Variants in SLC9C2 observed in about 807,000 individuals in gnomAD.
SLC9C2 encodes the protein solute carrier family 9 member C2 (putative).
In SLC9C2, 75 loss-of-function variants were observed where a neutral mutation model predicts 140.2. The observed-to-expected ratio is 0.53, with a 90% CI of 0.44 to 0.65. The LOEUF (loss-of-function observed/expected upper bound fraction) is 0.65. SLC9C2 is among the 30% of genes least tolerant of loss of function. The pLI, the probability that SLC9C2 is intolerant of heterozygous loss-of-function variation, is 0.00. For synonymous variants in SLC9C2, 375 were observed against 420.9 expected, an observed-to-expected ratio of 0.89 and a Z score of 1.34; for missense variants, 1,074 against 1,331.8, an observed-to-expected ratio of 0.81 and a Z score of 3.01.
intron 23 of SLC9C2, among the ~76,000 whole-genome samples, chr1:173,511,526 G>T (rs956053072): frequency 9.9e-5 from 15 of 152,128 alleles, no homozygotes; most frequent in African/African-American, 3.6e-4. Context: ...TTGTAAATTT[G>T]TTTAAGTTCC....
intron 22 of SLC9C2, among the ~76,000 whole-genome samples, chr1:173,518,886 T>A (rs1357120777): frequency 2.0e-5 from 3 of 152,072 alleles, no homozygotes; most frequent in Admixed American, 1.3e-4. Flanking sequence ...GCATTTGAGG[T>A]AGGCAGCATT....
intron 1 of SLC9C2, 27 bp from the exon 2 acceptor site, chr1:173,601,882 GACCT>G: frequency 7.4e-7 from 1 of 1,357,448 alleles, no homozygotes; most frequent in Non-Finnish European, 1.0e-6. Flanking sequence ...AAGAACATGA[GACCT>G]ACCAAGATCC....
intron 18 of SLC9C2, among the ~76,000 whole-genome samples, chr1:173,526,992 G>C (rs995451342): frequency 6.6e-6 from 1 of 151,932 alleles, no homozygotes; most frequent in Non-Finnish European, 1.5e-5. Flanking sequence ...ATACAAGTGT[G>C]AGCGACCACA....
intron 26 of SLC9C2, among the ~76,000 whole-genome samples, chr1:173,504,481 C>G (rs12078576): frequency 6.6e-6 from 1 of 152,012 alleles, no homozygotes; most frequent in African/African-American, 2.4e-5. Context: ...AATCCTCCCC[C>G]CAAAGCAACA....
At chr1:173,505,165 A>T in intron 26 of SLC9C2, 82 bp downstream of exon 26, 1 of 1,175,302 alleles carries the variant, frequency 8.5e-7, no homozygotes, top group Non-Finnish European at 1.2e-6. Context: ...CTCTCAAATC[A>T]CTTTCTTAGA....
At chr1:173,513,619 A>AT (rs1293348105) in intron 23 of SLC9C2, among the ~76,000 whole-genome samples, 6 of 151,864 alleles carry the variant, frequency 4.0e-5, no homozygotes, top group African/African-American at 1.5e-4. Context: ...GGATTCATTC[A>AT]TTTTTTGAAG....
chr1:173,552,433 A>T (rs1289396067), intron 11 of SLC9C2, among the ~76,000 whole-genome samples: 1 of 152,226 alleles, frequency 6.6e-6, no homozygotes, highest in Non-Finnish European at 1.5e-5. Flanking sequence ...CATTACTAAA[A>T]AGGAAAAGCC....
intron 9 of SLC9C2, among the ~76,000 whole-genome samples, chr1:173,565,519 G>A (rs898625369): frequency 6.6e-6 from 1 of 152,142 alleles, no homozygotes; most frequent in Non-Finnish European, 1.5e-5. Flanking sequence ...GTTCACTGTA[G>A]ACATATGGAT....
intron 2 of SLC9C2, among the ~76,000 whole-genome samples, chr1:173,600,881 T>A (rs1328314781): frequency 6.6e-6 from 1 of 152,138 alleles, no homozygotes; most frequent in Non-Finnish European, 1.5e-5. Flanking sequence ...ATTGAAGGAG[T>A]TTATACATAT....
intron 22 of SLC9C2, among the ~76,000 whole-genome samples, chr1:173,517,982 T>TG (rs1358099774): frequency 6.6e-6 from 1 of 152,194 alleles, no homozygotes; most frequent in Non-Finnish European, 1.5e-5. Context: ...CCACCAGGGC[T>TG]GGGCGCAGTG....
intron 18 of SLC9C2, 61 bp from the exon 19 acceptor site, chr1:173,526,775 A>C: frequency 8.5e-7 from 1 of 1,174,710 alleles, no homozygotes; most frequent in Middle Eastern, 2.3e-4. Flanking sequence ...GTAAGAAATT[A>C]AGAAAAACAT....
chr1:173,526,659 C>A lies in SLC9C2; in HGVS notation c.2365+4G>T. 6.3e-7 allele frequency: 1 copy of A among 1,587,730 alleles called. No homozygotes were observed. The highest frequency in any genetic ancestry group is 8.5e-7 in the Non-Finnish European group (1 of 1,172,082). ...TTAAGAACTCAGATACTTCAACTAC[C>A]TACCTAATTCTTTGACAGCATCCTG... On this transcript the variant is annotated splice_donor_region_variant and intron_variant, in intron 19 of 27. Coordinates refer to ENST00000367714, the MANE Select transcript of SLC9C2 (RefSeq NM_178527.4).
chr1:173,506,377 CCTTT>C (rs1659638574), intron 25 of SLC9C2, among the ~76,000 whole-genome samples: 2 of 152,186 alleles, frequency 1.3e-5, no homozygotes. Flanking sequence ...GGTCACACTT[CCTTT>C]GTCTTTACAG....
intron 23 of SLC9C2, among the ~76,000 whole-genome samples, chr1:173,516,600 T>C (rs181890246): frequency 6.8e-4 from 104 of 152,348 alleles, no homozygotes; most frequent in African/African-American, 2.3e-3. Context: ...TTACTAAAGA[T>C]AATGGCCTCC....
At chr1:173,596,321 T>C (rs964951194) in intron 4 of SLC9C2, 1 of 152,132 alleles carries the variant, frequency 6.6e-6, no homozygotes, top group Non-Finnish European at 1.5e-5. Flanking sequence ...ATGTGGCAAG[T>C]ATATATTTAA....
chr1:173,557,389 G>A lies in SLC9C2; in HGVS notation c.1166C>T (p.Ala389Val), dbSNP rs1402754633. ...GIKGVFNLLW[A>V]PDVYNLAERK... ...TTCAGCGAGATTATAAACATCAGGA[G>A]CCCAGAGTAAATTAAAAACTCCTTT... The change falls in exon 10 of 28, where the codon GCT (alanine) becomes GTT (valine). Residue 389 changes from alanine to valine, a missense_variant. By Grantham distance (64) the Ala-to-Val change is moderately conservative. Transcript: ENST00000367714. 1 of 1,613,896 alleles carries A rather than the reference G, an allele frequency of 6.2e-7. No individual in the cohort carries two copies. The highest frequency in any genetic ancestry group is 2.2e-5 in the East Asian group (1 of 44,852).
chr1:173,524,950 C>T (rs200238925), intron 19 of SLC9C2, 23 bp from the exon 20 acceptor site: 1 of 1,611,404 alleles, frequency 6.2e-7, no homozygotes, highest in Non-Finnish European at 8.5e-7. Context: ...AAATAAAATT[C>T]AGTAAGTGGC....
intron 4 of SLC9C2, among the ~76,000 whole-genome samples, chr1:173,591,989 T>C (rs1176170897): frequency 6.6e-6 from 1 of 152,220 alleles, no homozygotes; most frequent in Non-Finnish European, 1.5e-5. Context: ...CCATGGTTTT[T>C]ATAGTTTTAG....
chr1:173,518,635 T>G (rs1397272924), intron 22 of SLC9C2, among the ~76,000 whole-genome samples: 1 of 152,078 alleles, frequency 6.6e-6, no homozygotes, highest in Non-Finnish European at 1.5e-5. Flanking sequence ...TTAGAAAGAT[T>G]ACAGAATTTT....
Sources: gnomAD v4.1 joint callset for allele counts (sites outside exome capture counted in the v4.1 genomes callset) on GRCh38, gnomAD v4.1.1 for gene constraint, MANE v1.5 for transcripts, NCBI Gene and HGNC (gene_info 2026-07-23, HGNC 2026-07-21) for gene names.